PCDH15: variants seen among roughly 807,000 people sequenced by gnomAD.
The protein encoded by PCDH15 is protocadherin related 15.
A neutral mutation model predicts 178.5 loss-of-function variants in PCDH15; 129 were observed. That is an observed-to-expected ratio of 0.72 (90% confidence interval 0.63 to 0.84). The LOEUF (loss-of-function observed/expected upper bound fraction) is 0.84. Among genes scored for constraint, PCDH15 ranks in the 40% least tolerant of loss-of-function variants. The pLI, the probability that PCDH15 is intolerant of heterozygous loss-of-function variation, is 0.00. For missense variants in PCDH15, 2,230 were observed against 2,099.9 expected, an observed-to-expected ratio of 1.06 and a Z score of -1.21; for synonymous variants, 800 against 732.0, an observed-to-expected ratio of 1.09 and a Z score of -1.50.
intron 2 of PCDH15, among the ~76,000 whole-genome samples, chr10:55,141,071 C>G (rs1356639535): frequency 6.6e-6 from 1 of 151,908 alleles, no homozygotes; most frequent in East Asian, 1.9e-4. Context: ...TCACCCACCT[C>G]CTTGAGTCTA....
intron 2 of PCDH15, among the ~76,000 whole-genome samples, chr10:55,154,355 A>T (rs1411254741): frequency 6.6e-6 from 1 of 152,184 alleles, no homozygotes; most frequent in South Asian, 2.1e-4. Context: ...ACGTGTATTC[A>T]TGTATATGAA....
chr10:54,482,779 T>G (rs1033838100), intron 3 of PCDH15, among the ~76,000 whole-genome samples: 2 of 151,804 alleles, frequency 1.3e-5, no homozygotes, highest in African/African-American at 2.4e-5. Flanking sequence ...CACATCAAGA[T>G]TAGAAGCAAG....
intron 2 of PCDH15, among the ~76,000 whole-genome samples, chr10:55,154,058 G>A (rs145484810): frequency 1.8e-4 from 27 of 152,074 alleles, no homozygotes; most frequent in Admixed American, 1.4e-3. Context: ...TAAATGGGTC[G>A]CTCCTATACA....
intron 2 of PCDH15, among the ~76,000 whole-genome samples, chr10:54,628,890 G>A (rs1590675758): frequency 6.6e-6 from 1 of 151,984 alleles, no homozygotes; most frequent in East Asian, 1.9e-4. Flanking sequence ...CTTTCGTTAG[G>A]AATGGCCTAT....
At chr10:55,369,610 T>C in intron 2 of PCDH15, among the ~76,000 whole-genome samples, 1 of 152,066 alleles carries the variant, frequency 6.6e-6, no homozygotes, top group Middle Eastern at 3.2e-3. Context: ...GAATATCCTA[T>C]AATTCCTGTG....
Position 55,359,771 on chromosome 10 carries a change from C to CACAT in PCDH15, c.-155-193121_-155-193120insATGT, listed in dbSNP as rs1491128091. Among the ~76,000 whole-genome samples the CACAT allele has an allele frequency of 7.0e-3, 959 of 136,582 alleles. 13 individuals carry two copies. Among genetic ancestry groups the CACAT allele is most frequent in the African/African-American group, 0.024 (823 of 34,432 alleles). The allele number at this position is 136,582 out of a possible 152,430, so 89.6% of individuals were successfully genotyped here. A position where few individuals can be genotyped will look rare whatever the true frequency, so the allele number is the denominator to read the frequency against. On this transcript the variant is annotated intron_variant, in intron 2 of 5. Transcript: ENST00000613346. ...ATACACACACACACACACACACACA[C>CACAT]ATATATATATATAAACAATGAAATA...
intron 3 of PCDH15, among the ~76,000 whole-genome samples, chr10:54,809,806 G>A (rs558943800): frequency 6.6e-6 from 1 of 152,248 alleles, no homozygotes; most frequent in South Asian, 2.1e-4. Context: ...GTTGGACAAG[G>A]AAGTTGACTA....
chr10:54,671,523 G>T (rs540611156), intron 1 of PCDH15, among the ~76,000 whole-genome samples: 2 of 152,064 alleles, frequency 1.3e-5, no homozygotes, highest in South Asian at 4.1e-4. Context: ...CTATATAAGG[G>T]TAAACTAGTT....
intron 2 of PCDH15, among the ~76,000 whole-genome samples, chr10:54,926,275 C>A (rs1402341532): frequency 6.6e-6 from 1 of 151,984 alleles, no homozygotes; most frequent in Non-Finnish European, 1.5e-5. Flanking sequence ...GTTGAACTAA[C>A]CTTGAATTCC....
chr10:55,046,172 G>GT (rs1386356239), intron 2 of PCDH15, among the ~76,000 whole-genome samples: 1 of 151,860 alleles, frequency 6.6e-6, no homozygotes, highest in African/African-American at 2.4e-5. Context: ...ACAAATCGTC[G>GT]TTTTCACTTC....
intron 2 of PCDH15, among the ~76,000 whole-genome samples, chr10:55,467,165 C>A (rs566866298): frequency 2.6e-5 from 4 of 152,246 alleles, no homozygotes; most frequent in African/African-American, 9.6e-5. Context: ...CTAGCTAGGG[C>A]AATGCCCCAG....
chr10:54,915,451 G>C (rs1041617463), intron 2 of PCDH15, among the ~76,000 whole-genome samples: 2 of 152,136 alleles, frequency 1.3e-5, no homozygotes, highest in African/African-American at 4.8e-5. Flanking sequence ...ATGAAACTCT[G>C]AAGTGTTCTC....
At chr10:54,223,393 T>G (rs1591274643) in intron 9 of PCDH15, among the ~76,000 whole-genome samples, 1 of 149,562 alleles carries the variant, frequency 6.7e-6, no homozygotes, top group East Asian at 1.9e-4. Context: ...GCTTTATAGT[T>G]TTAGCTCTTA....
intron 2 of PCDH15, among the ~76,000 whole-genome samples, chr10:54,988,025 G>A (rs994966539): frequency 4.6e-5 from 7 of 151,962 alleles, no homozygotes; most frequent in African/African-American, 1.7e-4. Context: ...AATTCATCTC[G>A]AGTTAATTTT....
chr10:55,480,237 G>T (rs1230722101), intron 2 of PCDH15, among the ~76,000 whole-genome samples: 1 of 151,604 alleles, frequency 6.6e-6, no homozygotes, highest in Non-Finnish European at 1.5e-5. Context: ...AGGCTGAGAT[G>T]ATGAGGTTTT....
intron 2 of PCDH15, among the ~76,000 whole-genome samples, chr10:55,043,413 A>AAAC (rs1249256900): frequency 6.6e-6 from 1 of 152,028 alleles, no homozygotes; most frequent in Middle Eastern, 3.2e-3. Context: ...AAAACAGGAA[A>AAAC]AACAAAATAA....
intron 3 of PCDH15, among the ~76,000 whole-genome samples, chr10:54,506,779 A>T (rs910016065): frequency 2.0e-5 from 3 of 152,024 alleles, no homozygotes; most frequent in African/African-American, 4.8e-5. Flanking sequence ...TTTACTTTCA[A>T]AGGGTAGGAG....
intron 2 of PCDH15, among the ~76,000 whole-genome samples, chr10:54,910,920 G>C (rs1414585610): frequency 6.6e-6 from 1 of 152,140 alleles, no homozygotes; most frequent in African/African-American, 2.4e-5. Flanking sequence ...AATTGAGATG[G>C]GACAGTGGAA....
rs76595385 is a variant in PCDH15 at position 54,228,498 on chromosome 10, G to A, written c.985+8325C>T. ...GATTTGGGTGGTGACACAGCCAAGCGATATCATTTGTTATGAATGCTAAGA... is the reference window on the plus strand; with the variant it reads ...GATTTGGGTGGTGACACAGCCAAGCAATATCATTTGTTATGAATGCTAAGA... On this transcript the variant is annotated intron_variant, in intron 9 of 37. Coordinates refer to ENST00000644397, the MANE Select transcript of PCDH15 (RefSeq NM_001384140.1). 7.6e-3 allele frequency among the ~76,000 whole-genome samples: 1,161 copies of A among 152,246 alleles called. 7 individuals are homozygous for A. Among genetic ancestry groups the A allele is most frequent in the Non-Finnish European group, 0.013 (882 of 68,030 alleles).
Sources: gnomAD v4.1 joint callset for allele counts (sites outside exome capture counted in the v4.1 genomes callset) on GRCh38, gnomAD v4.1.1 for gene constraint, MANE v1.5 for transcripts, NCBI Gene and HGNC (gene_info 2026-07-23, HGNC 2026-07-21) for gene names.